LCA5L: variants seen among roughly 807,000 people sequenced by gnomAD.
The protein encoded by LCA5L is lebercilin LCA5 like, also known as lebercilin-like protein.
A neutral mutation model predicts 45.4 loss-of-function variants in LCA5L; 35 were observed. The ratio of observed to expected loss-of-function variants is 0.77; its 90% CI spans 0.59 to 1.02. The LOEUF (loss-of-function observed/expected upper bound fraction) is 1.02. LCA5L is among the 50% of genes least tolerant of loss of function. LCA5L has a pLI of 0.00. For missense variants in LCA5L, 668 were observed against 761.6 expected, an observed-to-expected ratio of 0.88 and a Z score of 1.45; for synonymous variants, 233 against 264.7, an observed-to-expected ratio of 0.88 and a Z score of 1.16.
intron 2 of LCA5L, among the ~76,000 whole-genome samples, chr21:39,443,199 A>G (rs1424092281): frequency 6.6e-6 from 1 of 152,222 alleles, no homozygotes; most frequent in African/African-American, 2.4e-5. Context: ...GAGGCATTGA[A>G]TATGGCAGTT....
At chr21:39,423,618 A>C in intron 5 of LCA5L, 128 bp from the exon 6 acceptor site, 1 of 726,806 alleles carries the variant, frequency 1.4e-6, no homozygotes, top group South Asian at 3.0e-5. Flanking sequence ...GCGTAAGTGT[A>C]ACTAGAAGGG....
chr21:39,422,820 T>C (rs2073990357), intron 6 of LCA5L, 156 bp downstream of exon 6: 2 of 701,248 alleles, frequency 2.9e-6, no homozygotes, highest in Non-Finnish European at 4.8e-6. Flanking sequence ...ACTCCCTTTC[T>C]GTGCCCTCTA....
At position 39,428,489 on chromosome 21, in the gene LCA5L, G is replaced by T. The variant is rs780853140; in HGVS notation, c.5C>A (p.Ser2Tyr). 1 of 1,548,892 alleles carries T rather than the reference G, an allele frequency of 6.5e-7. No individual in the cohort carries two copies. Among genetic ancestry groups the T allele is most frequent in the Non-Finnish European group, 8.7e-7 (1 of 1,152,090 alleles). The change falls in exon 5 of 11, where the codon TCT becomes TAT. Residue 2 changes from serine to tyrosine, a missense_variant. By Grantham distance (144) the Ser-to-Tyr change is moderately radical. Coordinates refer to ENST00000288350, the MANE Select transcript of LCA5L (RefSeq NM_152505.4). The part of the protein sequence containing the change: M[S>Y]LADLTKTNID... ...ATTTGTTTTTGTTAGATCAGCCAAAGACATAGCAAACAACCTAATAAAAGA... is the reference window on the plus strand; with the variant it reads ...ATTTGTTTTTGTTAGATCAGCCAAATACATAGCAAACAACCTAATAAAAGA...
chr21:39,407,537 T>C (rs190399332), intron 10 of LCA5L, among the ~76,000 whole-genome samples: 4 of 151,968 alleles, frequency 2.6e-5, no homozygotes, highest in African/African-American at 9.7e-5. Context: ...CAATAAAACC[T>C]CCTAAACATC....
chr21:39,425,867 C>A (rs1367056820), intron 5 of LCA5L: 3 of 152,190 alleles, frequency 2.0e-5, no homozygotes, highest in Non-Finnish European at 4.4e-5. Flanking sequence ...ATGCCATGCT[C>A]AAGTGATGGG....
intron 2 of LCA5L, among the ~76,000 whole-genome samples, chr21:39,436,880 C>T (rs2076341178): frequency 1.3e-5 from 2 of 152,132 alleles, no homozygotes; most frequent in African/African-American, 2.4e-5. Context: ...TCAACATTTC[C>T]TATTGCCTTC....
At chr21:39,429,292 G>A (rs897254061) in intron 3 of LCA5L, 81 bp from the exon 4 acceptor site, 1 of 152,160 alleles carries the variant, frequency 6.6e-6, no homozygotes, top group Admixed American at 6.5e-5. Context: ...TTTCTCTACT[G>A]AGAGGGTTTT....
At chr21:39,428,017 A>G in intron 5 of LCA5L, 155 bp downstream of exon 5, 3 of 573,582 alleles carry the variant, frequency 5.2e-6, no homozygotes, top group Non-Finnish European at 9.4e-6. Flanking sequence ...TAATTTCTCT[A>G]TTTCCTAATT....
chr21:39,424,664 C>T (rs1413844498), intron 5 of LCA5L, among the ~76,000 whole-genome samples: 2 of 152,184 alleles, frequency 1.3e-5, no homozygotes, highest in African/African-American at 4.8e-5. Context: ...AAATGACCCT[C>T]AAAAGGTCAT....
intron 7 of LCA5L, among the ~76,000 whole-genome samples, chr21:39,412,623 G>T (rs1044595983): frequency 6.6e-6 from 1 of 151,730 alleles, no homozygotes; most frequent in African/African-American, 2.4e-5. Flanking sequence ...CACACACGGG[G>T]GGTGGGGCGG....
intron 8 of LCA5L, among the ~76,000 whole-genome samples, 186 bp from the exon 9 acceptor site, chr21:39,410,553 A>C (rs2039912060): frequency 6.6e-6 from 1 of 152,090 alleles, no homozygotes; most frequent in Non-Finnish European, 1.5e-5. Context: ...GCTTTGTCTT[A>C]CTTTGGGCCT....
rs765560945 is a variant in LCA5L at position 39,433,414 on chromosome 21, CAAAAAAAAAAAA to C, written c.-92+1994_-92+2005del. 8.0e-5 allele frequency among the ~76,000 whole-genome samples: 5 copies of C among 62,766 alleles called. No individual in the cohort carries two copies. In the Admixed American group the frequency reaches 9.3e-4, roughly 12 times the overall value. 41.2% of individuals were successfully genotyped at this position (62,766 alleles called of 152,430 possible). A position where few individuals can be genotyped will look rare whatever the true frequency, so the allele number is the denominator to read the frequency against. On this transcript the variant is annotated intron_variant, in intron 3 of 10. Transcript: ENST00000288350. ...ACCTGGGTGACAAGAAACTCTGTCTCAAAAAAAAAAAAAAAAAAAAAAAGATCCTTTTGGTGC... is the reference window on the plus strand; with the variant it reads ...ACCTGGGTGACAAGAAACTCTGTCTCAAAAAAAAAAAGATCCTTTTGGTGC...
intron 10 of LCA5L, chr21:39,408,585 ACTCT>A (rs1244972160): frequency 6.6e-6 from 1 of 152,252 alleles, no homozygotes; most frequent in African/African-American, 2.4e-5. Flanking sequence ...GAAGTGTTGT[ACTCT>A]CTATCAAACC....
chr21:39,423,457 G>A lies in LCA5L; in HGVS notation c.356C>T (p.Thr119Ile), dbSNP rs376670598. Residue 119 changes from threonine to isoleucine, a missense_variant, in exon 6 of 11, where the codon ACC becomes ATC. By Grantham distance (89) the Thr-to-Ile change is moderately conservative. Coordinates refer to ENST00000288350, the MANE Select transcript of LCA5L (RefSeq NM_152505.4). ...QKEISVEKKH[T>I]WNASLFNSQI... ...AGAATTAAAGAGTGATGCATTCCAG[G>A]TGTGCTTTTTTTCAACTGATATTTC... 2.5e-6 allele frequency: 4 copies of A among 1,570,568 alleles called. No individual in the cohort carries two copies. Among genetic ancestry groups the A allele is most frequent in the Non-Finnish European group, 3.4e-6 (4 of 1,164,986 alleles).
rs151080342 is a variant in LCA5L at position 39,424,785 on chromosome 21, T to C, written c.323-1295A>G. Among the ~76,000 whole-genome samples the C allele has an allele frequency of 9.8e-3, 1,491 of 152,342 alleles. 17 individuals are homozygous for C. The highest frequency in any genetic ancestry group is 0.021 in the African/African-American group (887 of 41,578). ...TTTGGCTGGGCACCAAATGAAGTAA[T>C]TGGCATGTGTCCAGGGGTCTATCTT... On this transcript the variant is annotated intron_variant, in intron 5 of 10. Coordinates refer to ENST00000288350, the MANE Select transcript of LCA5L (RefSeq NM_152505.4).
intron 7 of LCA5L, chr21:39,413,985 G>GAGCAGA (rs1569074563): frequency 1.3e-5 from 2 of 152,272 alleles, no homozygotes; most frequent in African/African-American, 4.8e-5. Context: ...TCCTCCTTGC[G>GAGCAGA]GCTTGGAGCA....
Position 39,429,972 on chromosome 21 carries a change from G to A in LCA5L, c.-91-761C>T, listed in dbSNP as rs565435062. The stretch of plus-strand genomic sequence containing the variant: ...AGAGGTTGCAGTGAGCTGTGATCGC[G>A]GCACTGCATTCCAGCCTGGGTGACA... On this transcript the variant is annotated intron_variant, in intron 3 of 10. Coordinates refer to ENST00000288350, the MANE Select transcript of LCA5L (RefSeq NM_152505.4). 1.4e-4 allele frequency among the ~76,000 whole-genome samples: 22 copies of A among 152,186 alleles called. No homozygotes were observed. In the South Asian group the frequency reaches 3.3e-3, roughly 23 times the overall value.
Position 39,406,561 on chromosome 21 carries a change from G to T in LCA5L, c.1334C>A (p.Thr445Asn). ...TTCTTTTTTGTCTTTTTGTCTTCCA[G>T]TATTCTCCAGCAGTATTTGGACTTC... ...HLEVQILLEN[T>N]GRQKDKKEDQ... Residue 445 changes from threonine (T) to asparagine (N), a missense_variant, in exon 11 of 11, where the codon ACT (threonine) becomes AAT (asparagine). Physicochemically the swap from Thr to Asn is moderately conservative, Grantham distance 65 (BLOSUM62 0). Transcript: ENST00000288350. The T allele has an allele frequency of 6.2e-7, 1 of 1,608,392 alleles. No individual in the cohort carries two copies. Among genetic ancestry groups the T allele is most frequent in the Non-Finnish European group, 8.5e-7 (1 of 1,177,562 alleles).
chr21:39,410,432 A>G, intron 8 of LCA5L, 65 bp from the exon 9 acceptor site: 1 of 836,400 alleles, frequency 1.2e-6, no homozygotes, highest in Non-Finnish European at 1.9e-6. Flanking sequence ...TTGATTTTAA[A>G]CATAAAATAA....
Sources: gnomAD v4.1 joint callset for allele counts (sites outside exome capture counted in the v4.1 genomes callset) on GRCh38, gnomAD v4.1.1 for gene constraint, MANE v1.5 for transcripts, NCBI Gene and HGNC (gene_info 2026-07-23, HGNC 2026-07-21) for gene names.